The following GRM5 variants were observed in gnomAD, a reference collection of about 807,000 sequenced individuals.
The protein encoded by GRM5 is metabotropic glutamate receptor 5.
Under a neutral mutation model 83.1 loss-of-function variants are expected in GRM5, and 19 were observed. The observed-to-expected ratio is 0.23, with a 90% confidence interval of 0.16 to 0.34. The LOEUF is 0.34. Ranked by LOEUF, GRM5 falls within the 10% of genes least tolerant of loss-of-function variation. GRM5 has a pLI of 1.00. For missense variants in GRM5, 1,160 were observed against 1,588.3 expected, an observed-to-expected ratio of 0.73 and a Z score of 4.58; for synonymous variants, 675 against 633.6, an observed-to-expected ratio of 1.07 and a Z score of -0.98.
chr11:88,817,028 A>T (rs191840659), intron 3 of GRM5, among the ~76,000 whole-genome samples: 1 of 152,284 alleles, frequency 6.6e-6, no homozygotes, highest in African/African-American at 2.4e-5. Flanking sequence ...CAAACAAATG[A>T]ACAAGCAAAA....
chr11:89,031,723 TTCTTC>T (rs1384748350), intron 2 of GRM5, among the ~76,000 whole-genome samples: 2 of 152,042 alleles, frequency 1.3e-5, no homozygotes, highest in Admixed American at 6.6e-5. Flanking sequence ...TAAAAAATTT[TTCTTC>T]TCTTATTTCT....
intron 2 of GRM5, among the ~76,000 whole-genome samples, chr11:88,971,701 G>C (rs571113406): frequency 6.6e-6 from 1 of 152,150 alleles, no homozygotes; most frequent in South Asian, 2.1e-4. Flanking sequence ...CATTTAGGTT[G>C]ATTCCATATC....
intron 3 of GRM5, among the ~76,000 whole-genome samples, chr11:88,794,480 TG>T (rs1311643575): frequency 6.6e-6 from 1 of 152,140 alleles, no homozygotes; most frequent in African/African-American, 2.4e-5. Context: ...ATAAATTATG[TG>T]TTTTTATTTT....
At chr11:88,954,947 G>C (rs1291720436) in intron 2 of GRM5, among the ~76,000 whole-genome samples, 3 of 152,206 alleles carry the variant, frequency 2.0e-5, no homozygotes, top group South Asian at 2.1e-4. Flanking sequence ...AAGACTTTTA[G>C]ATTTATCTTT....
chr11:88,681,396 T>C (rs946577962), intron 3 of GRM5, among the ~76,000 whole-genome samples: 3 of 151,882 alleles, frequency 2.0e-5, no homozygotes, highest in Non-Finnish European at 2.9e-5. Context: ...ATTTACTTTT[T>C]GCTCTTTGAT....
At chr11:88,857,050 A>C (rs1480736497) in intron 2 of GRM5, among the ~76,000 whole-genome samples, 3 of 152,068 alleles carry the variant, frequency 2.0e-5, no homozygotes, top group Non-Finnish European at 2.9e-5. Flanking sequence ...ACAAGAAACA[A>C]ATTTCCTCCA....
At chr11:88,711,544 C>T (rs938898915) in intron 3 of GRM5, among the ~76,000 whole-genome samples, 3 of 152,112 alleles carry the variant, frequency 2.0e-5, no homozygotes, top group East Asian at 3.9e-4. Flanking sequence ...TACTTCTCCA[C>T]TCTGATTGCT....
chr11:88,625,709 C>T (rs1462040560), intron 4 of GRM5, among the ~76,000 whole-genome samples: 1 of 151,922 alleles, frequency 6.6e-6, no homozygotes, highest in African/African-American at 2.4e-5. Flanking sequence ...CTAACCATAC[C>T]CCAAACCACA....
intron 4 of GRM5, among the ~76,000 whole-genome samples, chr11:88,620,281 C>T (rs913970073): frequency 5.3e-5 from 8 of 152,150 alleles, no homozygotes; most frequent in African/African-American, 1.9e-4. Flanking sequence ...CTAGGCAATC[C>T]ATTTCTTCAT....
intron 2 of GRM5, among the ~76,000 whole-genome samples, chr11:88,889,029 T>A (rs1307505956): frequency 6.6e-6 from 1 of 152,186 alleles, no homozygotes; most frequent in African/African-American, 2.4e-5. Flanking sequence ...TTCTGGGTAA[T>A]GGCCACAAAA....
intron 3 of GRM5, among the ~76,000 whole-genome samples, chr11:88,707,724 C>T (rs1280237014): frequency 6.6e-6 from 1 of 152,060 alleles, no homozygotes; most frequent in Non-Finnish European, 1.5e-5. Flanking sequence ...AAAAGTGTTA[C>T]TTTCCATCTA....
chr11:88,766,107 T>C (rs1942620495), intron 3 of GRM5, among the ~76,000 whole-genome samples: 1 of 152,030 alleles, frequency 6.6e-6, no homozygotes, highest in Non-Finnish European at 1.5e-5. Context: ...GAAGAATCAA[T>C]ATTATTAAAA....
intron 3 of GRM5, among the ~76,000 whole-genome samples, chr11:88,816,914 A>G (rs1221059762): frequency 6.6e-6 from 1 of 152,162 alleles, no homozygotes; most frequent in Non-Finnish European, 1.5e-5. Context: ...TTCCTTCATA[A>G]TTAATTCTGG....
intron 9 of GRM5, among the ~76,000 whole-genome samples, chr11:88,520,272 A>G (rs878948738): frequency 6.6e-6 from 1 of 152,076 alleles, no homozygotes; most frequent in Admixed American, 6.6e-5. Flanking sequence ...TATGGAATTG[A>G]TTTTGGAGAT....
At chr11:88,723,117 A>C (rs1260374121) in intron 3 of GRM5, among the ~76,000 whole-genome samples, 1 of 151,236 alleles carries the variant, frequency 6.6e-6, no homozygotes, top group Non-Finnish European at 1.5e-5. Context: ...TATATTAAGA[A>C]TAATACAGTA....
chr11:88,521,179 A>G (rs1181074426), intron 9 of GRM5, among the ~76,000 whole-genome samples: 1 of 152,092 alleles, frequency 6.6e-6, no homozygotes, highest in Non-Finnish European at 1.5e-5. Context: ...GCTTTTTGGG[A>G]GGCCTAGGTG....
rs770291291 is a variant in GRM5 at position 88,780,224 on chromosome 11, T to C, written c.911+69682A>G. On this transcript the variant is annotated intron_variant, in intron 3 of 9. Transcript: ENST00000305447. ...CCTGCTGGAATGCCCTTAAATATTA[T>C]GCTGGGCTGCTTTATACTACACTGT... Among the ~76,000 whole-genome samples the C allele has an allele frequency of 3.9e-5, 6 of 152,330 alleles. No individual in the cohort carries two copies. In the South Asian group the frequency reaches 8.3e-4, roughly 21 times the overall value.
chr11:88,797,444 A>G (rs1390881038), intron 3 of GRM5, among the ~76,000 whole-genome samples: 1 of 152,166 alleles, frequency 6.6e-6, no homozygotes, highest in African/African-American at 2.4e-5. Context: ...CCAGCCCAAG[A>G]TTGGGTTTTT....
intron 2 of GRM5, among the ~76,000 whole-genome samples, chr11:89,035,054 A>G (rs182553036): frequency 1.5e-3 from 232 of 151,782 alleles, no homozygotes; most frequent in African/African-American, 5.4e-3. Flanking sequence ...AATATCAGTT[A>G]TTCTCATCCA....
Sources: allele counts gnomAD v4.1 joint callset (sites outside exome capture counted in the v4.1 genomes callset), GRCh38; gene constraint gnomAD v4.1.1; transcripts MANE v1.5; gene names NCBI Gene and HGNC (gene_info 2026-07-23, HGNC 2026-07-21).